Variants in FOXP2 observed in about 807,000 individuals in gnomAD.
FOXP2 encodes the protein forkhead box P2, also known as forkhead box protein P2.
Under a neutral mutation model 115.8 loss-of-function variants are expected in FOXP2, and 12 were observed. The ratio of observed to expected loss-of-function variants is 0.10; its 90% CI spans 0.07 to 0.17. The LOEUF is 0.17. Among genes scored for constraint, FOXP2 ranks in the 10% least tolerant of loss-of-function variants. The pLI, the probability that FOXP2 is intolerant of heterozygous loss-of-function variation, is 1.00. For synonymous variants in FOXP2, 328 were observed against 297.7 expected (o/e 1.10, Z -1.05); for missense variants, 629 against 843.5 (o/e 0.75, Z 3.15).
intron 2 of FOXP2, among the ~76,000 whole-genome samples, chr7:114,488,299 G>A (rs1029127607): frequency 1.3e-5 from 2 of 152,140 alleles, no homozygotes; most frequent in African/African-American, 4.8e-5. Context: ...AAGACTCACG[G>A]GGATTATGGG....
At chr7:114,618,127 A>G (rs938928030) in intron 3 of FOXP2, among the ~76,000 whole-genome samples, 6 of 152,230 alleles carry the variant, frequency 3.9e-5, no homozygotes, top group Middle Eastern at 3.4e-3. Context: ...GCATTCTCCT[A>G]TCATGACCCA....
At chr7:114,346,808 GAT>G (rs1308423919) in intron 2 of FOXP2, among the ~76,000 whole-genome samples, 1 of 151,768 alleles carries the variant, frequency 6.6e-6, no homozygotes, top group Non-Finnish European at 1.5e-5. Context: ...GGGAGGGAAG[GAT>G]AGAGAGTGGT....
At chr7:114,454,370 C>A (rs1795198396) in intron 2 of FOXP2, among the ~76,000 whole-genome samples, 1 of 152,034 alleles carries the variant, frequency 6.6e-6, no homozygotes, top group Admixed American at 6.6e-5. Flanking sequence ...CAGGAAACAA[C>A]AGGTGCTGGA....
upstream of FOXP2, among the ~76,000 whole-genome samples, chr7:114,162,033 T>C (rs1341065269): frequency 6.6e-6 from 1 of 152,160 alleles, no homozygotes; most frequent in Non-Finnish European, 1.5e-5. Flanking sequence ...TCTGCCTGCT[T>C]TGGCCTCCCA....
At chr7:114,130,337 A>G (rs559520350) in intron 1 of FOXP2, among the ~76,000 whole-genome samples, 16 of 152,310 alleles carry the variant, frequency 1.1e-4, no homozygotes, top group South Asian at 6.2e-4. Context: ...ACTCTAGAAC[A>G]TACCAGAAAG....
intron 3 of FOXP2, among the ~76,000 whole-genome samples, chr7:114,555,541 A>T (rs947510585): frequency 1.3e-5 from 2 of 152,188 alleles, no homozygotes; most frequent in Non-Finnish European, 1.5e-5. Context: ...TCATGCCTGT[A>T]ATCTCAGCAC....
chr7:114,673,279 G>A (rs1262178814), intron 16 of FOXP2, among the ~76,000 whole-genome samples: 1 of 152,132 alleles, frequency 6.6e-6, no homozygotes, highest in Non-Finnish European at 1.5e-5. Context: ...GACACAAATT[G>A]GAATGGTACC....
At chr7:114,342,905 G>C (rs1017134070) in intron 2 of FOXP2, among the ~76,000 whole-genome samples, 2 of 151,414 alleles carry the variant, frequency 1.3e-5, no homozygotes, top group Non-Finnish European at 3.0e-5. Flanking sequence ...AGTTTACTAT[G>C]TTCTCACACT....
At chr7:114,264,513 T>A (rs138013660) in intron 1 of FOXP2, among the ~76,000 whole-genome samples, 162 of 152,350 alleles carry the variant, frequency 1.1e-3, no homozygotes, top group African/African-American at 3.7e-3. Context: ...TCATCAAGCC[T>A]TTCCTGATCT....
chr7:114,528,788 T>A (rs1418728919), intron 2 of FOXP2, among the ~76,000 whole-genome samples: 4 of 150,420 alleles, frequency 2.7e-5, no homozygotes, highest in African/African-American at 9.7e-5. Flanking sequence ...AAAAAAACCC[T>A]GCTAAGGTAT....
intron 2 of FOXP2, among the ~76,000 whole-genome samples, chr7:114,441,674 C>A (rs917796356): frequency 6.6e-6 from 1 of 151,890 alleles, no homozygotes; most frequent in African/African-American, 2.4e-5. Context: ...TTGAGACAAC[C>A]CAATTTAAAA....
intron 3 of FOXP2, among the ~76,000 whole-genome samples, chr7:114,546,649 C>A (rs76788027): frequency 0.084 from 12,804 of 152,036 alleles, 601 homozygotes; most frequent in Middle Eastern, 0.16. Context: ...CCCCTAATCC[C>A]TGGAGTCTTC....
At chr7:114,546,841 T>A (rs995450386) in intron 3 of FOXP2, among the ~76,000 whole-genome samples, 2 of 152,256 alleles carry the variant, frequency 1.3e-5, no homozygotes, top group African/African-American at 4.8e-5. Flanking sequence ...TGTCAGAGAT[T>A]GCATTTTATT....
intron 6 of FOXP2, among the ~76,000 whole-genome samples, chr7:114,640,266 C>T (rs1805451661): frequency 6.6e-6 from 1 of 152,048 alleles, no homozygotes; most frequent in Admixed American, 6.6e-5. Context: ...AAAGTTGTTT[C>T]CTATGTAACA....
intron 2 of FOXP2, among the ~76,000 whole-genome samples, chr7:114,387,789 A>G (rs954958915): frequency 1.7e-4 from 26 of 152,190 alleles, no homozygotes; most frequent in African/African-American, 6.0e-4. Context: ...TGCAATAGAC[A>G]AGGTAAATTA....
At chr7:114,222,756 A>G (rs1191739993) in intron 1 of FOXP2, among the ~76,000 whole-genome samples, 1 of 152,278 alleles carries the variant, frequency 6.6e-6, no homozygotes, top group East Asian at 1.9e-4. Flanking sequence ...TAAAGAAGGG[A>G]CAGTTGTGTT....
chr7:114,383,700 C>T (rs772975624), intron 2 of FOXP2, among the ~76,000 whole-genome samples: 15 of 152,048 alleles, frequency 9.9e-5, no homozygotes, highest in Non-Finnish European at 1.9e-4. Context: ...GAATATAAGT[C>T]GTTTCTTTCT....
At chr7:114,449,550 G>A (rs911790054) in intron 2 of FOXP2, among the ~76,000 whole-genome samples, 2 of 151,990 alleles carry the variant, frequency 1.3e-5, no homozygotes, top group African/African-American at 4.8e-5. Context: ...CTGACAGATG[G>A]ATGGGTCATT....
chr7:114,333,164 G>A (rs1181597254), intron 2 of FOXP2, among the ~76,000 whole-genome samples: 1 of 151,970 alleles, frequency 6.6e-6, no homozygotes. Context: ...TATTATTTGG[G>A]GAAAGAATAA....
Sources: allele counts gnomAD v4.1 joint callset (sites outside exome capture counted in the v4.1 genomes callset), GRCh38; gene constraint gnomAD v4.1.1; transcripts MANE v1.5; gene names NCBI Gene and HGNC (gene_info 2026-07-23, HGNC 2026-07-21).